Variants in CREBBP observed in about 807,000 individuals in gnomAD.
CREBBP encodes CREB binding lysine acetyltransferase.
A neutral mutation model predicts 265.0 loss-of-function variants in CREBBP; 19 were observed. The observed-to-expected ratio is 0.07, with a 90% CI of 0.05 to 0.11. CREBBP has a LOEUF of 0.11. CREBBP is among the 10% of genes least tolerant of loss of function. The pLI, the probability that CREBBP is intolerant of heterozygous loss-of-function variation, is 1.00. For synonymous variants in CREBBP, 1,457 were observed against 1,223.7 expected, an observed-to-expected ratio of 1.19 and a Z score of -3.98; for missense variants, 2,525 against 3,219.0, an observed-to-expected ratio of 0.78 and a Z score of 5.22.
In CREBBP at chr16:3,769,279, G is replaced by A. The variant is rs2141191689; in HGVS notation, c.2955C>T (p.Ser985=). 6.2e-7 allele frequency: 1 copy of A among 1,614,124 alleles called. No individual in the cohort carries two copies. The highest frequency in any genetic ancestry group is 1.1e-5 in the South Asian group (1 of 91,072). ...CAGGTACGTCAGGTCCTGGCTGCTG[G>A]GAATTGGTTTCTGCGCTGGCCACCG... ...PSSVASAETN[S]QQPGPDVPVL... Residue 985 remains serine, a synonymous_variant, in exon 15 of 31, where the codon TCC becomes TCT. Transcript: ENST00000262367.
chr16:3,869,666 C>G (rs2055252479), intron 1 of CREBBP, among the ~76,000 whole-genome samples: 1 of 152,176 alleles, frequency 6.6e-6, no homozygotes, highest in Non-Finnish European at 1.5e-5. Flanking sequence ...AACAGCCACA[C>G]GTGGCTCGTG....
chr16:3,767,629 T>C (rs1213046070), intron 16 of CREBBP, 91 bp downstream of exon 16: 3 of 1,544,740 alleles, frequency 1.9e-6, no homozygotes, highest in African/African-American at 1.4e-5. Flanking sequence ...GATAGAATTA[T>C]GTTTCTACTT....
At chr16:3,754,701 A>C (rs879637641) in intron 19 of CREBBP, among the ~76,000 whole-genome samples, 1 of 152,222 alleles carries the variant, frequency 6.6e-6, no homozygotes, top group Non-Finnish European at 1.5e-5. Flanking sequence ...GCTAAAGAAC[A>C]GTTTTTCCAA....
At chr16:3,734,877 AG>A (rs1406494926) in intron 28 of CREBBP, among the ~76,000 whole-genome samples, 1 of 152,148 alleles carries the variant, frequency 6.6e-6, no homozygotes, top group Non-Finnish European at 1.5e-5. Flanking sequence ...CAGGCACCAG[AG>A]TGGCAGTATG....
chr16:3,821,840 G>A (rs1317015873), intron 2 of CREBBP, among the ~76,000 whole-genome samples: 1 of 152,172 alleles, frequency 6.6e-6, no homozygotes, highest in Non-Finnish European at 1.5e-5. Flanking sequence ...GACCCGCCTG[G>A]CCAATATGGT....
chr16:3,804,643 C>T (rs1567326874), intron 3 of CREBBP, among the ~76,000 whole-genome samples: 1 of 152,228 alleles, frequency 6.6e-6, no homozygotes, highest in Non-Finnish European at 1.5e-5. Flanking sequence ...GGTGTATTTA[C>T]TCGGTTCTTC....
intron 22 of CREBBP, 42 bp downstream of exon 22, chr16:3,745,235 C>G: frequency 1.9e-6 from 3 of 1,576,716 alleles, no homozygotes; most frequent in Non-Finnish European, 2.6e-6. Flanking sequence ...CCGCCACTGG[C>G]TCTGTGCAGA....
At chr16:3,854,920 T>C (rs927298022) in intron 1 of CREBBP, among the ~76,000 whole-genome samples, 1 of 152,230 alleles carries the variant, frequency 6.6e-6, no homozygotes, top group African/African-American at 2.4e-5. Flanking sequence ...AAACCGAGAC[T>C]GAGAGTAAGT....
intron 16 of CREBBP, among the ~76,000 whole-genome samples, chr16:3,761,307 A>G (rs1262418000): frequency 6.6e-6 from 1 of 152,206 alleles, no homozygotes; most frequent in African/African-American, 2.4e-5. Context: ...TTTAAAAATC[A>G]GATTAAAATA....
intron 2 of CREBBP, among the ~76,000 whole-genome samples, chr16:3,833,398 T>C (rs1283435581): frequency 6.6e-6 from 1 of 151,442 alleles, no homozygotes; most frequent in Non-Finnish European, 1.5e-5. Context: ...GGCTACAGAG[T>C]GAGAGTCCAT....
In CREBBP at chr16:3,778,047, G is replaced by A. The variant is rs776122323; in HGVS notation, c.2077C>T (p.Pro693Ser). ...ACAGGTTGTGCCTGTGGAATCACAG[G>A]GGGCTGAGCCCCCGGGGCTGGTAAG... ...PALPAPGAQPPVIPQAQPVRP... is the reference protein window; with the variant it reads ...PALPAPGAQPSVIPQAQPVRP... The change falls in exon 10 of 31, where the codon CCT (proline) becomes TCT (serine). Residue 693 changes from proline (P) to serine (S), a missense_variant. Pro to Ser is a moderately conservative substitution (Grantham distance 74). This residue lies in a region of CREBBP where 548 missense variants were observed against 533.0 expected (regional missense o/e 1.03). Transcript: ENST00000262367. 3 of 1,614,204 alleles carry A rather than the reference G, an allele frequency of 1.9e-6. No individual in the cohort carries two copies. Among genetic ancestry groups the A allele is most frequent in the East Asian group, 2.2e-5 (1 of 44,892 alleles).
rs1360792517 is a variant in CREBBP at position 3,728,968 on chromosome 16, G to C, written c.6079C>G (p.Pro2027Ala). The change falls in exon 31 of 31, where the codon CCC becomes GCC. Residue 2027 changes from proline to alanine, a missense_variant. By Grantham distance (27) the Pro-to-Ala change is conservative (BLOSUM62 -1). Coordinates refer to ENST00000262367, the MANE Select transcript of CREBBP (RefSeq NM_004380.3). The surrounding 1 kb of genome is among the most constrained non-coding windows in gnomAD (Gnocchi z 8.7). Reference protein sequence around the residue: ...PPGQWQQAPLPQQQPMPGLPR... With the variant: ...PPGQWQQAPLAQQQPMPGLPR... Reference sequence around the variant, plus strand: ...AAGCCTGGCATGGGCTGCTGCTGGGGAAGGGGCGCCTGCTGCCACTGCCCG... The same window carrying C: ...AAGCCTGGCATGGGCTGCTGCTGGGCAAGGGGCGCCTGCTGCCACTGCCCG... 6.3e-7 allele frequency: 1 copy of C among 1,596,986 alleles called. No homozygotes were observed. The highest frequency in any genetic ancestry group is 8.5e-7 in the Non-Finnish European group (1 of 1,177,032).
rs766560909 is a variant in CREBBP at position 3,854,342 on chromosome 16, T to C, written c.86-3333A>G. ...TCATGGGCAGGTGACAATCACCCTGTAGCCAGGAGAGCAGACACCACTTGC... is the reference window on the plus strand; with the variant it reads ...TCATGGGCAGGTGACAATCACCCTGCAGCCAGGAGAGCAGACACCACTTGC... On this transcript the variant is annotated intron_variant, in intron 1 of 30. Coordinates refer to ENST00000262367, the MANE Select transcript of CREBBP (RefSeq NM_004380.3). Among the ~76,000 whole-genome samples the C allele has an allele frequency of 5.4e-4, 82 of 152,302 alleles. 1 individual carries two copies. Among genetic ancestry groups the C allele is most frequent in the Non-Finnish European group, 1.1e-3 (75 of 68,018 alleles).
chr16:3,789,534 T>C (rs3789033), intron 5 of CREBBP, among the ~76,000 whole-genome samples: 27,363 of 152,148 alleles, frequency 0.18, 3,138 homozygotes, highest in South Asian at 0.31. Flanking sequence ...TTTTAACATA[T>C]ATATTGTCTT....
At chr16:3,772,972 C>T (rs935047137) in intron 13 of CREBBP, among the ~76,000 whole-genome samples, 2 of 150,340 alleles carry the variant, frequency 1.3e-5, no homozygotes, top group African/African-American at 4.9e-5. Flanking sequence ...TCTGTAACCC[C>T]AGGTACTTGG....
intron 3 of CREBBP, among the ~76,000 whole-genome samples, chr16:3,800,392 T>C (rs777106531): frequency 3.9e-5 from 6 of 152,200 alleles, no homozygotes; most frequent in Non-Finnish European, 8.8e-5. Flanking sequence ...GTGCTGGGAT[T>C]ATAGCTATGA....
chr16:3,770,529 A>G (rs758069643), intron 14 of CREBBP, 41 bp downstream of exon 14: 48 of 1,601,732 alleles, frequency 3.0e-5, no homozygotes, highest in Non-Finnish European at 3.9e-5. Flanking sequence ...ATTATCTTCT[A>G]AGAGTCTTGG....
chr16:3,761,745 C>T (rs2052724049), intron 16 of CREBBP, among the ~76,000 whole-genome samples: 1 of 152,198 alleles, frequency 6.6e-6, no homozygotes, highest in Non-Finnish European at 1.5e-5. Context: ...GCAGACGTGC[C>T]CTTCACAGTG....
intron 1 of CREBBP, among the ~76,000 whole-genome samples, chr16:3,855,714 C>A (rs921955018): frequency 3.3e-5 from 5 of 152,206 alleles, no homozygotes; most frequent in African/African-American, 1.2e-4. Context: ...GGGCACAGGG[C>A]CTGTACCTGG....
Sources: allele counts gnomAD v4.1 joint callset (sites outside exome capture counted in the v4.1 genomes callset), GRCh38; gene constraint gnomAD v4.1.1; regional missense constraint gnomAD v4.1.1; non-coding constraint Gnocchi (gnomAD v3.1); transcripts MANE v1.5; gene names NCBI Gene and HGNC (gene_info 2026-07-23, HGNC 2026-07-21).